The following DHRSX variants were observed in gnomAD, a reference collection of about 807,000 sequenced individuals.
DHRSX encodes polyprenol dehydrogenase.
In DHRSX, 31 loss-of-function variants were observed where a neutral mutation model predicts 34.0. The ratio of observed to expected loss-of-function variants is 0.91; its 90% CI spans 0.69 to 1.23. The LOEUF (loss-of-function observed/expected upper bound fraction) is 1.23, where lower values mean the gene tolerates loss of function less well. Among genes scored for constraint, DHRSX ranks in the 50% most tolerant of loss-of-function variants. The pLI, the probability that DHRSX is intolerant of heterozygous loss-of-function variation, is 0.00. For missense variants in DHRSX, 414 were observed against 428.1 expected (o/e 0.97, Z 0.29); for synonymous variants, 201 against 183.8 (o/e 1.09, Z -0.76).
chrX:2,284,682 G>A (rs770113829), intron 4 of DHRSX, among the ~76,000 whole-genome samples: 2 of 152,292 alleles, frequency 1.3e-5, no homozygotes, highest in South Asian at 4.1e-4. Flanking sequence ...ATGGGGATGG[G>A]AAGCTAGATA....
At chrX:2,327,516 G>A (rs748456912) in intron 3 of DHRSX, among the ~76,000 whole-genome samples, 5 of 152,310 alleles carry the variant, frequency 3.3e-5, no homozygotes, top group African/African-American at 9.6e-5. Context: ...AGTTGGCCTC[G>A]TGGTGGGAGT....
chrX:2,451,797 C>T (rs2044221939), intron 1 of DHRSX, among the ~76,000 whole-genome samples: 2 of 152,136 alleles, frequency 1.3e-5, no homozygotes, highest in South Asian at 4.1e-4. Flanking sequence ...AAGGGACCGC[C>T]ACTGTGTATG....
chrX:2,488,465 G>A (rs1007543017), intron 1 of DHRSX: 55 of 900,016 alleles, frequency 6.1e-5, no homozygotes, highest in African/African-American at 1.0e-4. Flanking sequence ...AGGAGCCACC[G>A]CCCCCGACCC....
rs776661989 is a variant in DHRSX at position 2,328,629 on chromosome X, A to C, written c.287-37026T>G. Among the ~76,000 whole-genome samples, 325 of 152,242 alleles carry C rather than the reference A, an allele frequency of 2.1e-3. 2 individuals carry two copies. Among genetic ancestry groups the C allele is most frequent in the African/African-American group, 7.1e-3 (293 of 41,544 alleles). On this transcript the variant is annotated intron_variant, in intron 3 of 6. Coordinates refer to ENST00000334651, the MANE Select transcript of DHRSX (RefSeq NM_145177.3). ...GACACAGGGAGAAGACGGTGTCTAC[A>C]AGCCCAGCAGAGAGGCCTCAGGAAG...
chrX:2,450,381 G>A (rs1032550584), intron 1 of DHRSX, among the ~76,000 whole-genome samples: 7 of 152,002 alleles, frequency 4.6e-5, no homozygotes, highest in Non-Finnish European at 7.4e-5. Context: ...AGAATCGCTC[G>A]AACCCGGGAG....
At chrX:2,298,284 A>T (rs1204701090) in intron 3 of DHRSX, among the ~76,000 whole-genome samples, 1 of 142,142 alleles carries the variant, frequency 7.0e-6, no homozygotes, top group Admixed American at 7.2e-5. Flanking sequence ...GGGAGAGGAT[A>T]TATTTCTATT....
chrX:2,307,615 A>G (rs376530060), intron 3 of DHRSX, among the ~76,000 whole-genome samples: 9 of 151,878 alleles, frequency 5.9e-5, no homozygotes, highest in African/African-American at 1.9e-4. Flanking sequence ...ACTACAAAAA[A>G]TTAGCCAGGC....
At position 2,379,128 on chromosome X, in the gene DHRSX, T is replaced by TG. The variant is rs2043175270; in HGVS notation, c.286+29616dup. Among the ~76,000 whole-genome samples, 6 of 152,246 alleles carry TG rather than the reference T, an allele frequency of 3.9e-5. No homozygotes were observed. In the South Asian group the frequency reaches 1.2e-3, roughly 31 times the overall value. On this transcript the variant is annotated intron_variant, in intron 3 of 6. Transcript: ENST00000334651. Reference sequence around the variant, plus strand: ...CAACAGCAAGCTATTAGTTAAGTTTTGGGGGAGTGAAGAGTTACACAAGGT... The same window carrying TG: ...CAACAGCAAGCTATTAGTTAAGTTTTGGGGGGAGTGAAGAGTTACACAAGGT...
At chrX:2,486,058 G>C (rs2044920209) in intron 1 of DHRSX, among the ~76,000 whole-genome samples, 1 of 151,878 alleles carries the variant, frequency 6.6e-6, no homozygotes, top group East Asian at 1.9e-4. Context: ...TGGGGGGAGA[G>C]GGAAGGCGCT....
chrX:2,375,781 C>T (rs747717161), intron 3 of DHRSX, among the ~76,000 whole-genome samples: 3 of 136,154 alleles, frequency 2.2e-5, no homozygotes, highest in South Asian at 2.4e-4. Context: ...TACAGGCGTG[C>T]ACCCCCACGC....
intron 3 of DHRSX, among the ~76,000 whole-genome samples, chrX:2,292,735 C>T (rs1202841819): frequency 6.6e-6 from 1 of 152,076 alleles, no homozygotes; most frequent in Non-Finnish European, 1.5e-5. Flanking sequence ...GAAGCAAGGA[C>T]TTCCTTCTTC....
chrX:2,419,077 G>T (rs1028852437), intron 2 of DHRSX, among the ~76,000 whole-genome samples: 1 of 152,118 alleles, frequency 6.6e-6, no homozygotes, highest in Non-Finnish European at 1.5e-5. Context: ...CAATCCTTTT[G>T]CATCTAGAGG....
chrX:2,282,807 AGAGAAAG>A (rs2041738576), intron 4 of DHRSX, among the ~76,000 whole-genome samples: 4 of 63,414 alleles, frequency 6.3e-5, no homozygotes, highest in African/African-American at 2.7e-4. Flanking sequence ...AAGAGAGAAG[AGAGAAAG>A]AGAGAGAGGG....
chrX:2,255,760 C>G (rs1366730236), intron 5 of DHRSX, among the ~76,000 whole-genome samples: 1 of 151,010 alleles, frequency 6.6e-6, no homozygotes, highest in East Asian at 2.0e-4. Context: ...AAAAAAAACA[C>G]AAAAATTAGG....
intron 1 of DHRSX, among the ~76,000 whole-genome samples, chrX:2,448,432 G>A (rs1252146336): frequency 2.0e-5 from 3 of 151,870 alleles, no homozygotes; most frequent in Non-Finnish European, 2.9e-5. Context: ...ATAATACATC[G>A]CATCTTTCAA....
intron 2 of DHRSX, among the ~76,000 whole-genome samples, chrX:2,422,293 C>T (rs2124648178): frequency 6.6e-6 from 1 of 151,384 alleles, no homozygotes; most frequent in African/African-American, 2.4e-5. Flanking sequence ...GACAGAGTCT[C>T]ACTCTGTCAC....
At chrX:2,440,010 C>G (rs904510940) in intron 1 of DHRSX, among the ~76,000 whole-genome samples, 1 of 152,146 alleles carries the variant, frequency 6.6e-6, no homozygotes, top group African/African-American at 2.4e-5. Flanking sequence ...TCTTCACACT[C>G]TCCAATTAAT....
At chrX:2,407,219 C>T (rs1009207729) in intron 3 of DHRSX, among the ~76,000 whole-genome samples, 2 of 152,138 alleles carry the variant, frequency 1.3e-5, no homozygotes, top group East Asian at 1.9e-4. Context: ...GGGTCCGACT[C>T]GCAGACTTTG....
At chrX:2,484,811 G>A (rs1469900775) in intron 1 of DHRSX, among the ~76,000 whole-genome samples, 2 of 151,970 alleles carry the variant, frequency 1.3e-5, no homozygotes, top group African/African-American at 2.4e-5. Flanking sequence ...GAAGATGGTC[G>A]GAACAAAAGC....
Sources: gnomAD v4.1 joint callset for allele counts (sites outside exome capture counted in the v4.1 genomes callset) on GRCh38, gnomAD v4.1.1 for gene constraint, MANE v1.5 for transcripts, NCBI Gene and HGNC (gene_info 2026-07-23, HGNC 2026-07-21) for gene names.